The following PRH1 variants were observed in gnomAD, a reference collection of about 807,000 sequenced individuals.
PRH1 encodes the protein salivary acidic proline-rich phosphoprotein 1/2.
A neutral mutation model predicts 7.9 loss-of-function variants in PRH1; 7 were observed. The observed-to-expected ratio is 0.89, with a 90% CI of 0.50 to 1.67. The LOEUF (loss-of-function observed/expected upper bound fraction) is 1.67. PRH1 is among the 40% of genes most tolerant of loss of function. The pLI, the probability that PRH1 is intolerant of heterozygous loss-of-function variation, is 0.00. For synonymous variants in PRH1, 45 were observed against 80.8 expected (o/e 0.56, Z 2.38); for missense variants, 109 against 223.6 (o/e 0.49, Z 3.27).
chr12:10,979,897 A>G (rs1268226177), intron 1 of PRH1, among the ~76,000 whole-genome samples: 2 of 152,292 alleles, frequency 1.3e-5, no homozygotes, highest in South Asian at 4.1e-4. Context: ...TAACAAAAGG[A>G]AAGACTGTAG....
At chr12:10,932,202 T>C (rs1466392227) in intron 2 of PRH1, 1 of 434,994 alleles carries the variant, frequency 2.3e-6, no homozygotes, top group African/African-American at 2.0e-5. Flanking sequence ...AAGTCTTGCC[T>C]ATAATCTTCC....
In PRH1 at chr12:11,169,269, A is replaced by T. The variant is rs185230142; in HGVS notation, n.39+2153T>A. On this transcript the variant is annotated intron_variant and non_coding_transcript_variant, in intron 1 of 1. Transcript: ENST00000541175. ...ATCACCCTCAGCAAAAGAAGTGTGGATTAGGCATTCAAATCTAAACATCAA... is the reference window on the plus strand; with the variant it reads ...ATCACCCTCAGCAAAAGAAGTGTGGTTTAGGCATTCAAATCTAAACATCAA... Among the ~76,000 whole-genome samples the T allele has an allele frequency of 2.1e-3, 313 of 152,372 alleles. 1 individual carries two copies. The highest frequency in any genetic ancestry group is 3.9e-3 in the Non-Finnish European group (265 of 68,032).
At chr12:11,118,174 AG>A (rs1176272833), downstream of PRH1, among the ~76,000 whole-genome samples, 1 of 152,240 alleles carries the variant, frequency 6.6e-6, no homozygotes. Context: ...TCATCTGGCA[AG>A]GGATTAATAA....
Position 10,965,169 on chromosome 12 carries a change from T to G in PRH1, c.-59+8486A>C, listed in dbSNP as rs574829340. 6.6e-4 allele frequency: 971 copies of G among 1,473,704 alleles called. 3 individuals are homozygous for G. Among genetic ancestry groups the G allele is most frequent in the Non-Finnish European group, 8.7e-4 (942 of 1,084,966 alleles). The allele number at this position is 1,473,704 out of a possible 1,614,324, so 91.3% of individuals were successfully genotyped here. On this transcript the variant is annotated intron_variant, in intron 2 of 3. Transcript: ENST00000539853. ...ACAGTTGCATACCAATGTAATAATA[T>G]TACCCAGAGCAAACCAACTCTGGAG...
At chr12:11,048,632 T>C, upstream of PRH1, 1 of 616,766 alleles carries the variant, frequency 1.6e-6, no homozygotes. Context: ...TGGAGCTGCA[T>C]CTTCTTGACA....
intron 1 of PRH1, among the ~76,000 whole-genome samples, chr12:11,141,017 C>G (rs753030292): frequency 8.6e-5 from 13 of 151,906 alleles, no homozygotes; most frequent in Non-Finnish European, 1.3e-4. Context: ...ACTTGTATAA[C>G]TTATTGTTAA....
intron 1 of PRH1, among the ~76,000 whole-genome samples, chr12:11,071,841 A>T (rs1379053709): frequency 2.0e-5 from 3 of 152,310 alleles, no homozygotes. Flanking sequence ...AAAAGGCACC[A>T]AGCTTGCAGG....
Position 11,085,595 on chromosome 12 carries a change from C to G in PRH1, n.124-38407G>C, listed in dbSNP as rs914144474. Among the ~76,000 whole-genome samples, 2 of 115,112 alleles carry G rather than the reference C, an allele frequency of 1.7e-5. 1 individual carries two copies. The highest frequency in any genetic ancestry group is 4.1e-5 in the Non-Finnish European group (2 of 48,814). The allele number at this position is 115,112 out of a possible 152,430, so 75.5% of individuals were successfully genotyped here. On this transcript the variant is annotated intron_variant and non_coding_transcript_variant, in intron 1 of 4. Transcript: ENST00000541977. ...TGACTAATGTCAAAACGGAAAGCAC[C>G]GGGGCATGCTATTGAATGAGTTCAG...
At position 10,882,294 on chromosome 12, in the gene PRH1, C is replaced by A. The variant is rs746636029; in HGVS notation, c.505G>T (p.Gly169Ter). 1 of 1,610,686 alleles carries A rather than the reference C, an allele frequency of 6.2e-7. No individual in the cohort carries two copies. Among genetic ancestry groups the A allele is most frequent in the South Asian group, 1.1e-5 (1 of 90,646 alleles). The change falls in exon 3 of 4, where the codon GGA (glycine) becomes TGA (stop). Residue 169 changes from glycine to a stop codon, truncating the protein, a stop_gained. Coordinates refer to ENST00000543626, the MANE Select transcript of PRH1 (RefSeq NM_001393989.1). LOFTEE classifies it low-confidence loss of function (END_TRUNC). ...GGGCGGCCCCCTTGGGGAGGTGGTC[C>A]CTGGGGCTTTCCAGGAGGAGGTGGG... ...PPPPPPGKPQ[G>*]PPPQGGRPQG...
At chr12:11,035,640 G>A (rs1942405491) in intron 1 of PRH1, among the ~76,000 whole-genome samples, 1 of 151,952 alleles carries the variant, frequency 6.6e-6, no homozygotes, top group East Asian at 1.9e-4. Context: ...GTAATACTTT[G>A]GTCAAAGAAG....
At chr12:11,073,667 A>G (rs141058836) in intron 1 of PRH1, among the ~76,000 whole-genome samples, 2,123 of 151,972 alleles carry the variant, frequency 0.014, no homozygotes, top group South Asian at 0.028. Context: ...TAGTGGTTTC[A>G]AGTGGAATCC....
At chr12:10,930,659 C>A in intron 2 of PRH1, 1 of 1,613,738 alleles carries the variant, frequency 6.2e-7, no homozygotes, top group Non-Finnish European at 8.5e-7. Flanking sequence ...TCAACTCACA[C>A]AGATGGAGGA....
At chr12:11,065,219 T>C (rs569814269) in intron 1 of PRH1, among the ~76,000 whole-genome samples, 2 of 152,312 alleles carry the variant, frequency 1.3e-5, no homozygotes, top group African/African-American at 2.4e-5. Context: ...TTATTCCCTT[T>C]AACATAATCT....
intron 2 of PRH1, among the ~76,000 whole-genome samples, chr12:10,942,921 T>C (rs1342230064): frequency 6.6e-6 from 1 of 152,180 alleles, no homozygotes; most frequent in Non-Finnish European, 1.5e-5. Context: ...CTCTCTAAAT[T>C]AACTCAGCTC....
chr12:11,163,024 A>C (rs1430666945), intron 1 of PRH1, among the ~76,000 whole-genome samples: 1 of 152,188 alleles, frequency 6.6e-6, no homozygotes, highest in African/African-American at 2.4e-5. Context: ...AAAATGCAGA[A>C]CAATGTGTGT....
chr12:11,084,015 C>T (rs780035417), intron 1 of PRH1, among the ~76,000 whole-genome samples: 2 of 121,598 alleles, frequency 1.6e-5, no homozygotes, highest in Admixed American at 8.2e-5. Flanking sequence ...TACCTCACAC[C>T]CCTCCTTCTT....
intron 2 of PRH1, among the ~76,000 whole-genome samples, chr12:10,931,796 A>C (rs1276539259): frequency 6.6e-6 from 1 of 151,148 alleles, no homozygotes; most frequent in Non-Finnish European, 1.5e-5. Context: ...GTTTATTTAG[A>C]TCTCTTCAGT....
At chr12:10,991,380 T>C (rs895681655) in intron 1 of PRH1, among the ~76,000 whole-genome samples, 17 of 152,322 alleles carry the variant, frequency 1.1e-4, no homozygotes, top group Admixed American at 3.3e-4. Flanking sequence ...TTTTCTATAA[T>C]GATAATCCCC....
chr12:11,022,319 A>T (rs1341690125), intron 1 of PRH1: 1 of 1,614,212 alleles, frequency 6.2e-7, no homozygotes, highest in Non-Finnish European at 8.5e-7. Flanking sequence ...CAGGCATTAG[A>T]AGCAACAATT....
Sources: allele counts gnomAD v4.1 joint callset (sites outside exome capture counted in the v4.1 genomes callset), GRCh38; gene constraint gnomAD v4.1.1; transcripts MANE v1.5; gene names NCBI Gene and HGNC (gene_info 2026-07-23, HGNC 2026-07-21).